Variants in VCPKMT observed in about 807,000 individuals in gnomAD.
The protein encoded by VCPKMT is valosin containing protein lysine methyltransferase.
In VCPKMT, 32 loss-of-function variants were observed where a neutral mutation model predicts 28.6. That is an observed-to-expected ratio of 1.12 (90% CI 0.84 to 1.50). The LOEUF (loss-of-function observed/expected upper bound fraction) is 1.50. Among genes scored for constraint, VCPKMT ranks in the 40% most tolerant of loss-of-function variants. The pLI is 0.00. For missense variants in VCPKMT, 366 were observed against 285.0 expected, an observed-to-expected ratio of 1.28 and a Z score of -2.05; for synonymous variants, 138 against 111.4, an observed-to-expected ratio of 1.24 and a Z score of -1.50.
At chr14:50,112,180 A>G in intron 5 of VCPKMT, 1 of 537,314 alleles carries the variant, frequency 1.9e-6, no homozygotes, top group South Asian at 8.2e-5. Flanking sequence ...ATAGCTAATA[A>G]CTTGTCTGAG....
Position 50,108,806 on chromosome 14 carries a change from G to C in VCPKMT, c.*893C>G, listed in dbSNP as rs1882445721. 2.0e-6 allele frequency: 2 copies of C among 985,404 alleles called. No homozygotes were observed. Among genetic ancestry groups the C allele is most frequent in the African/African-American group, 1.7e-5 (1 of 57,244 alleles). 61.0% of individuals were successfully genotyped at this position (985,404 alleles called of 1,614,324 possible). A position where few individuals can be genotyped will look rare whatever the true frequency, so the allele number is the denominator to read the frequency against. On this transcript the variant is annotated 3_prime_UTR_variant, in exon 6 of 6. Coordinates refer to ENST00000395860, the MANE Select transcript of VCPKMT (RefSeq NM_024558.3). ...TCATAACATAAAACAGAGAGACACA[G>C]AACAGAAATTCATTTGGTATATACA... is the stretch of plus-strand genomic sequence containing the variant.
intron 5 of VCPKMT, chr14:50,111,285 C>T (rs1359534376): frequency 3.0e-6 from 3 of 985,096 alleles, no homozygotes; most frequent in East Asian, 1.1e-4. Flanking sequence ...AACACTAGAT[C>T]CCTTAAAGCA....
At chr14:50,111,160 A>C (rs1882624707) in intron 5 of VCPKMT, 1 of 963,638 alleles carries the variant, frequency 1.0e-6, no homozygotes, top group South Asian at 4.8e-5. Flanking sequence ...TCAACTAAAA[A>C]ATAAGAGTTT....
intron 5 of VCPKMT, 57 bp downstream of exon 5, chr14:50,112,558 A>G (rs968405411): frequency 1.8e-6 from 2 of 1,141,806 alleles, no homozygotes; most frequent in Non-Finnish European, 2.6e-6. Flanking sequence ...ATGCCCTGAA[A>G]TAGTGTCCAG....
downstream of VCPKMT, among the ~76,000 whole-genome samples, chr14:50,105,694 G>T (rs1882296052): frequency 6.6e-6 from 1 of 152,038 alleles, no homozygotes; most frequent in Admixed American, 6.6e-5. Context: ...ATGATCCATG[G>T]ACCCTTGGTT....
chr14:50,104,845 GTCT>G (rs889491433), downstream of VCPKMT, among the ~76,000 whole-genome samples: 2 of 152,102 alleles, frequency 1.3e-5, no homozygotes, highest in East Asian at 1.9e-4. Flanking sequence ...TTAAATATCT[GTCT>G]TCTTTTCACA....
Position 50,116,240 on chromosome 14 carries a change from C to T in VCPKMT, c.266+47G>A, listed in dbSNP as rs766683811. On this transcript the variant is annotated intron_variant, in intron 1 of 5. Coordinates refer to ENST00000395860, the MANE Select transcript of VCPKMT (RefSeq NM_024558.3). ...GGGGAAAGCCTGTAATCCGGATTTC[C>T]CCAGCAAGAAGGCGCCCCCACATCC... is the stretch of plus-strand genomic sequence containing the variant. The T allele has an allele frequency of 2.5e-6, 4 of 1,611,754 alleles. No homozygotes were observed. In the East Asian group the frequency reaches 6.7e-5, roughly 27 times the overall value.
chr14:50,114,711 A>T (rs573795012), intron 3 of VCPKMT, among the ~76,000 whole-genome samples: 1 of 152,322 alleles, frequency 6.6e-6, no homozygotes, highest in East Asian at 1.9e-4. Context: ...ATTAGCCAGC[A>T]TGCTGGTGCA....
intron 4 of VCPKMT, 48 bp downstream of exon 4, chr14:50,114,237 C>G: frequency 7.0e-7 from 1 of 1,438,562 alleles, no homozygotes; most frequent in Non-Finnish European, 9.1e-7. Context: ...ACATACAGCC[C>G]CCCTGAAGGG....
At chr14:50,111,498 T>TA in intron 5 of VCPKMT, 1 of 985,442 alleles carries the variant, frequency 1.0e-6, no homozygotes, top group South Asian at 4.7e-5. Context: ...AGTGTGGGCT[T>TA]ATTGAATCTA....
intron 3 of VCPKMT, among the ~76,000 whole-genome samples, chr14:50,115,522 C>G (rs985584104): frequency 1.3e-5 from 2 of 152,122 alleles, no homozygotes; most frequent in Non-Finnish European, 2.9e-5. Context: ...TTAACATGTT[C>G]CGTGGGAACA....
In VCPKMT at chr14:50,109,305, A is replaced by C; in HGVS notation, c.*394T>G. Reference sequence around the variant, plus strand: ...AAATTTACTAGTTTGAATTTAAAACATTATTATATAATAGCAGATAGTTCT... The same window carrying C: ...AAATTTACTAGTTTGAATTTAAAACCTTATTATATAATAGCAGATAGTTCT... On this transcript the variant is annotated 3_prime_UTR_variant, in exon 6 of 6. Transcript: ENST00000395860. The C allele has an allele frequency of 1.0e-6, 1 of 997,874 alleles. No individual in the cohort carries two copies. Among genetic ancestry groups the C allele is most frequent in the Non-Finnish European group, 1.2e-6 (1 of 838,024 alleles). 61.8% of individuals were successfully genotyped at this position (997,874 alleles called of 1,614,324 possible). A position where few individuals can be genotyped will look rare whatever the true frequency, so the allele number is the denominator to read the frequency against.
chr14:50,116,306 G>GC lies in VCPKMT; in HGVS notation c.246dup (p.Leu83AlafsTer9), dbSNP rs563806849. The GC allele has an allele frequency of 7.0e-5, 112 of 1,606,940 alleles. 2 individuals carry two copies. In the South Asian group the frequency reaches 1.1e-3, roughly 16 times the overall value. On this transcript the variant is annotated frameshift_variant, in exon 1 of 6. Coordinates refer to ENST00000395860, the MANE Select transcript of VCPKMT (RefSeq NM_024558.3). LOFTEE classifies it high-confidence loss of function. ...TCTTACCCGAGGGTAGCAGCCATGA[G>GC]CCCCACGGCCCCGGTGCCCGAACCC...
intron 5 of VCPKMT, among the ~76,000 whole-genome samples, chr14:50,112,383 T>C: frequency 1.7e-5 from 1 of 57,292 alleles, no homozygotes. Flanking sequence ...TGTCTCTACT[T>C]AAAAAATACG....
chr14:50,108,567 C>T, downstream of VCPKMT: 1 of 975,604 alleles, frequency 1.0e-6, no homozygotes, highest in Non-Finnish European at 1.2e-6. Flanking sequence ...AATAGGGCTG[C>T]TTTTGCTCCT....
chr14:50,113,794 C>CGGGGGGGGGG lies in VCPKMT; in HGVS notation c.570+481_570+490dup, dbSNP rs61233901. Reference sequence around the variant, plus strand: ...GCCTATAGTCCCACTTACTTGGGGGCGGGGGGGGGGGGGGGTGACACTGAG... The same window carrying CGGGGGGGGGG: ...GCCTATAGTCCCACTTACTTGGGGGCGGGGGGGGGGGGGGGGGGGGGGGGGTGACACTGAG... On this transcript the variant is annotated intron_variant, in intron 4 of 5. Coordinates refer to ENST00000395860, the MANE Select transcript of VCPKMT (RefSeq NM_024558.3). Among the ~76,000 whole-genome samples the CGGGGGGGGGG allele has an allele frequency of 2.4e-4, 2 of 8,338 alleles. 1 individual carries two copies. Among genetic ancestry groups the CGGGGGGGGGG allele is most frequent in the African/African-American group, 5.8e-4 (2 of 3,448 alleles). The allele number at this position is 8,338 out of a possible 152,430, so 5.5% of individuals were successfully genotyped here. A position where few individuals can be genotyped will look rare whatever the true frequency, so the allele number is the denominator to read the frequency against.
chr14:50,106,778 C>G (rs1335519594), downstream of VCPKMT, among the ~76,000 whole-genome samples: 1 of 152,128 alleles, frequency 6.6e-6, no homozygotes, highest in Non-Finnish European at 1.5e-5. Context: ...TGCAGTGGTG[C>G]AATCATGGCT....
chr14:50,111,553 G>C (rs1882663342), intron 5 of VCPKMT: 1 of 985,206 alleles, frequency 1.0e-6, no homozygotes, highest in Admixed American at 6.2e-5. Context: ...CCTTACACTA[G>C]TCACATATAC....
At position 50,114,400 on chromosome 14, in the gene VCPKMT, A is replaced by G; in HGVS notation, c.455T>C (p.Leu152Ser). 6.6e-7 allele frequency: 1 copy of G among 1,526,178 alleles called. No homozygotes were observed. Among genetic ancestry groups the G allele is most frequent in the Non-Finnish European group, 8.8e-7 (1 of 1,140,700 alleles). The allele number at this position is 1,526,178 out of a possible 1,614,324, so 94.5% of individuals were successfully genotyped here. ...TTTTAGAGTTTTCAGCAATGGCTCC[A>G]AAGACTATTTAAAAAAGAATATATT... ...MADCIYYEESLEPLLKTLKDI... is the reference protein window; with the variant it reads ...MADCIYYEESSEPLLKTLKDI... Residue 152 changes from leucine (L) to serine (S), a missense_variant, in exon 4 of 6, where the codon TTG becomes TCG. By Grantham distance (145) the Leu-to-Ser change is moderately radical. Coordinates refer to ENST00000395860, the MANE Select transcript of VCPKMT (RefSeq NM_024558.3).
Sources: gnomAD v4.1 joint callset for allele counts (sites outside exome capture counted in the v4.1 genomes callset) on GRCh38, gnomAD v4.1.1 for gene constraint, MANE v1.5 for transcripts, NCBI Gene and HGNC (gene_info 2026-07-23, HGNC 2026-07-21) for gene names.